Variants in MTUS2 observed in about 807,000 individuals in gnomAD.
MTUS2 encodes microtubule associated scaffold protein 2.
A neutral mutation model predicts 114.1 loss-of-function variants in MTUS2; 40 were observed. The observed-to-expected ratio is 0.35, with a 90% CI of 0.27 to 0.46. The LOEUF is 0.46. Among genes scored for constraint, MTUS2 ranks in the 20% least tolerant of loss-of-function variants. MTUS2 has a pLI of 1.00. For synonymous variants in MTUS2, 688 were observed against 672.0 expected, an observed-to-expected ratio of 1.02 and a Z score of -0.37; for missense variants, 1,679 against 1,705.4, an observed-to-expected ratio of 0.98 and a Z score of 0.27.
chr13:29,105,126 C>T (rs1029767631), intron 5 of MTUS2, among the ~76,000 whole-genome samples: 1 of 152,102 alleles, frequency 6.6e-6, no homozygotes, highest in Non-Finnish European at 1.5e-5. Flanking sequence ...TTGAGTTGCT[C>T]AACTGGTATA....
chr13:29,337,669 T>TGGC (rs1901143344), intron 7 of MTUS2, among the ~76,000 whole-genome samples: 1 of 151,792 alleles, frequency 6.6e-6, no homozygotes, highest in Non-Finnish European at 1.5e-5. Context: ...TGGCACAATT[T>TGGC]TGGCTCATTG....
At chr13:29,489,875 C>T (rs979632264) in intron 11 of MTUS2, 9 of 152,174 alleles carry the variant, frequency 5.9e-5, no homozygotes, top group Admixed American at 2.6e-4. Context: ...CCTTTGAAAA[C>T]GCCCTGAAAT....
chr13:29,024,860 T>G lies in MTUS2; in HGVS notation c.162T>G (p.Cys54Trp). 3 of 1,614,022 alleles carry G rather than the reference T, an allele frequency of 1.9e-6. No homozygotes were observed. Among genetic ancestry groups the G allele is most frequent in the South Asian group, 2.2e-5 (2 of 91,078 alleles). Reference protein sequence around the residue: ...VSSSHDESKTCDLGDEIGNTN... With the variant: ...VSSSHDESKTWDLGDEIGNTN... ...CCTCTCATGACGAGTCCAAGACATGTGACCTGGGAGATGAAATTGGAAATA... is the reference window on the plus strand; with the variant it reads ...CCTCTCATGACGAGTCCAAGACATGGGACCTGGGAGATGAAATTGGAAATA... The change falls in exon 3 of 16, where the codon TGT becomes TGG. Residue 54 changes from cysteine to tryptophan, a missense_variant. By Grantham distance (215) the Cys-to-Trp change is radical. Around this residue, in one of 3 missense-constraint regions of MTUS2, gnomAD observed 843 missense variants for 770.8 expected, o/e 1.09. Transcript: ENST00000612955.
At chr13:29,444,483 TCTGTGTTCACAGGC>T (rs1334589145) in intron 9 of MTUS2, among the ~76,000 whole-genome samples, 1 of 152,230 alleles carries the variant, frequency 6.6e-6, no homozygotes. Flanking sequence ...ATCAGCTTTG[TCTGTGTTCACAGGC>T]CTGATGCATG....
At chr13:29,297,181 C>A (rs897888519) in intron 6 of MTUS2, among the ~76,000 whole-genome samples, 1 of 152,038 alleles carries the variant, frequency 6.6e-6, no homozygotes, top group Non-Finnish European at 1.5e-5. Flanking sequence ...TTCTTAATAT[C>A]ATTTAATGAA....
At chr13:28,993,132 A>G (rs1884937036) in intron 2 of MTUS2, among the ~76,000 whole-genome samples, 1 of 152,190 alleles carries the variant, frequency 6.6e-6, no homozygotes, top group South Asian at 2.1e-4. Context: ...TTATCCATTT[A>G]TCCATAGGGG....
Position 29,351,466 on chromosome 13 carries a change from C to G in MTUS2, c.2906-7796C>G, listed in dbSNP as rs568635663. Among the ~76,000 whole-genome samples the G allele has an allele frequency of 9.8e-5, 15 of 152,342 alleles. No individual in the cohort carries two copies. The South Asian group carries it at 2.3e-3, about 23-fold the overall frequency. ...GTTTCTGACACATCTTTCTCCCCCT[C>G]TGGACATCCAGGCTTGAGAAAGAAT... On this transcript the variant is annotated intron_variant, in intron 7 of 15. Transcript: ENST00000612955.
At chr13:28,933,068 C>T (rs984779807) in intron 2 of MTUS2, among the ~76,000 whole-genome samples, 1 of 151,494 alleles carries the variant, frequency 6.6e-6, no homozygotes, top group African/African-American at 2.4e-5. Context: ...TGAGTGCTTT[C>T]TGTTTACTCA....
At chr13:29,043,708 G>A (rs1442385291) in intron 4 of MTUS2, among the ~76,000 whole-genome samples, 2 of 12,520 alleles carry the variant, frequency 1.6e-4, no homozygotes, top group East Asian at 1.9e-3. Flanking sequence ...CTTCCTGTTT[G>A]TCTTTTTTTA....
In MTUS2 at chr13:29,109,755, T is replaced by C. The variant is rs529674149; in HGVS notation, c.2644+8785T>C. On this transcript the variant is annotated intron_variant, in intron 5 of 15. Transcript: ENST00000612955. The stretch of plus-strand genomic sequence containing the variant: ...ATGTTTCTGTGGGCATTTCCATCCA[T>C]TGGCCATGTGTGTAAGGATTCAGAA... Among the ~76,000 whole-genome samples the C allele has an allele frequency of 5.9e-5, 9 of 152,318 alleles. No individual in the cohort carries two copies. The South Asian group carries it at 6.2e-4, about 11-fold the overall frequency.
intron 5 of MTUS2, among the ~76,000 whole-genome samples, chr13:29,255,972 T>G (rs1897272437): frequency 1.3e-5 from 2 of 152,184 alleles, no homozygotes; most frequent in South Asian, 4.1e-4. Flanking sequence ...GTGTCTGCTT[T>G]TATAAAATGA....
At chr13:29,062,699 C>A (rs1888478040) in intron 4 of MTUS2, among the ~76,000 whole-genome samples, 2 of 152,038 alleles carry the variant, frequency 1.3e-5, no homozygotes, top group African/African-American at 4.8e-5. Flanking sequence ...TGTTTCCCTC[C>A]TATGTTGATC....
At position 29,024,624 on chromosome 13, in the gene MTUS2, C is replaced by T. The variant is rs1255874886; in HGVS notation, c.-75C>T. The T allele has an allele frequency of 2.0e-6, 3 of 1,534,930 alleles. No homozygotes were observed. The highest frequency in any genetic ancestry group is 2.6e-6 in the Non-Finnish European group (3 of 1,136,064). ...AGCAGCTTGAGAATTTCCTCTTAATCTGATTGCAGCTTGAAGGCAGCCCAT... is the reference window on the plus strand; with the variant it reads ...AGCAGCTTGAGAATTTCCTCTTAATTTGATTGCAGCTTGAAGGCAGCCCAT... On this transcript the variant is annotated 5_prime_UTR_variant, in exon 3 of 16. Coordinates refer to ENST00000612955, the MANE Select transcript of MTUS2 (RefSeq NM_001033602.4).
intron 5 of MTUS2, among the ~76,000 whole-genome samples, chr13:29,116,513 AT>A (rs1161573251): frequency 1.3e-5 from 2 of 152,208 alleles, no homozygotes; most frequent in Non-Finnish European, 2.9e-5. Context: ...CAAAGGATAC[AT>A]ATACCGTGTT....
At chr13:29,487,822 AC>A in intron 10 of MTUS2, 77 bp from the exon 11 acceptor site, 1 of 1,131,044 alleles carries the variant, frequency 8.8e-7, no homozygotes, top group East Asian at 2.3e-5. Context: ...TGGGTCACGG[AC>A]CTTTTCCACT....
chr13:29,373,379 A>G (rs1318745817), intron 8 of MTUS2, among the ~76,000 whole-genome samples: 1 of 152,200 alleles, frequency 6.6e-6, no homozygotes, highest in Admixed American at 6.5e-5. Flanking sequence ...TGCATAGAGC[A>G]GGGTAACTAA....
intron 8 of MTUS2, among the ~76,000 whole-genome samples, chr13:29,410,614 T>TTA (rs961902543): frequency 6.6e-6 from 1 of 152,226 alleles, no homozygotes; most frequent in Non-Finnish European, 1.5e-5. Flanking sequence ...AAAGAGTTTT[T>TTA]TATATATTAC....
intron 6 of MTUS2, among the ~76,000 whole-genome samples, chr13:29,301,009 T>C (rs1195160825): frequency 6.6e-6 from 1 of 152,234 alleles, no homozygotes; most frequent in Non-Finnish European, 1.5e-5. Context: ...ACATATTTAT[T>C]TGGCATTGCA....
At chr13:29,401,541 T>G (rs1297765621) in intron 8 of MTUS2, among the ~76,000 whole-genome samples, 4 of 152,132 alleles carry the variant, frequency 2.6e-5, no homozygotes, top group Admixed American at 2.0e-4. Context: ...GTGCATGACT[T>G]GAGATAGAGG....
Sources: gnomAD v4.1 joint callset for allele counts (sites outside exome capture counted in the v4.1 genomes callset) on GRCh38, gnomAD v4.1.1 for gene constraint, gnomAD v4.1.1 regional missense constraint, MANE v1.5 for transcripts, NCBI Gene and HGNC (gene_info 2026-07-23, HGNC 2026-07-21) for gene names.